The following RCOR3 variants were observed in gnomAD, a reference collection of about 807,000 sequenced individuals.
RCOR3 encodes the protein REST corepressor 3.
A neutral mutation model predicts 64.1 loss-of-function variants in RCOR3; 13 were observed. The ratio of observed to expected loss-of-function variants is 0.20; its 90% confidence interval spans 0.13 to 0.32. The LOEUF (loss-of-function observed/expected upper bound fraction) is 0.32, where lower values mean the gene tolerates loss of function less well. Among genes scored for constraint, RCOR3 ranks in the 10% least tolerant of loss-of-function variants. RCOR3 has a pLI of 1.00. For missense variants in RCOR3, 489 were observed against 701.2 expected (o/e 0.70, Z 3.42); for synonymous variants, 215 against 239.0 (o/e 0.90, Z 0.93).
intron 2 of RCOR3, among the ~76,000 whole-genome samples, chr1:211,263,608 T>G (rs577752444): frequency 1.3e-5 from 2 of 152,338 alleles, no homozygotes; most frequent in Admixed American, 6.5e-5. Context: ...TGGTAAAAGC[T>G]AATCTTATCA....
At chr1:211,305,990 T>C (rs971053990) in intron 10 of RCOR3, among the ~76,000 whole-genome samples, 1 of 152,188 alleles carries the variant, frequency 6.6e-6, no homozygotes, top group African/African-American at 2.4e-5. Flanking sequence ...GTATTGCATG[T>C]TCGCAGGATT....
intron 7 of RCOR3, among the ~76,000 whole-genome samples, chr1:211,283,611 T>C (rs1698117979): frequency 6.6e-6 from 1 of 152,204 alleles, no homozygotes. Context: ...TCTATCTGTT[T>C]ATTAGCTGTT....
chr1:211,278,082 T>C, intron 5 of RCOR3, 35 bp from the exon 6 acceptor site: 1 of 1,546,332 alleles, frequency 6.5e-7, no homozygotes, highest in Non-Finnish European at 8.8e-7. Flanking sequence ...TGTTTATGAA[T>C]TAAACTTGCT....
Position 211,313,218 on chromosome 1 carries a change from A to G in RCOR3, c.1318-206A>G, listed in dbSNP as rs997343525. 3 of 1,430,544 alleles carry G rather than the reference A, an allele frequency of 2.1e-6. No homozygotes were observed. In the African/African-American group the frequency reaches 4.3e-5, roughly 21 times the overall value. The allele number at this position is 1,430,544 out of a possible 1,614,324, so 88.6% of individuals were successfully genotyped here. A position where few individuals can be genotyped will look rare whatever the true frequency, so the allele number is the denominator to read the frequency against. ...AGTGTTAAGCTGTTTACAAATAAAG[A>G]TGCCTGTTTGGTAGCCTCATTGGTT... On this transcript the variant is annotated intron_variant, in intron 11 of 11. Coordinates refer to ENST00000419091, the MANE Select transcript of RCOR3 (RefSeq NM_001136223.3). This position sits in a 1 kb window ranked among gnomAD's most constrained non-coding sequence, Gnocchi z 4.7.
intron 1 of RCOR3, 105 bp from the exon 2 acceptor site, chr1:211,260,003 C>A: frequency 7.1e-7 from 1 of 1,413,962 alleles, no homozygotes; most frequent in Non-Finnish European, 9.2e-7. Context: ...CCACCCGCCG[C>A]TTCTTTCCTC....
chr1:211,269,717 A>G (rs1381268333), intron 2 of RCOR3, among the ~76,000 whole-genome samples: 1 of 152,208 alleles, frequency 6.6e-6, no homozygotes, highest in Non-Finnish European at 1.5e-5. Flanking sequence ...ATCTACAGGC[A>G]CGTAACTTGG....
At chr1:211,286,031 A>T (rs1489807956) in intron 7 of RCOR3, among the ~76,000 whole-genome samples, 1 of 152,182 alleles carries the variant, frequency 6.6e-6, no homozygotes, top group African/African-American at 2.4e-5. Context: ...TTATCATTTT[A>T]CTTTCAACAT....
intron 2 of RCOR3, among the ~76,000 whole-genome samples, chr1:211,263,572 T>G (rs1694724386): frequency 6.6e-6 from 1 of 152,204 alleles, no homozygotes; most frequent in African/African-American, 2.4e-5. Flanking sequence ...TAGCTACCAT[T>G]TAAACTTAGG....
chr1:211,310,608 CA>C (rs1558114929), intron 10 of RCOR3, among the ~76,000 whole-genome samples: 1 of 151,990 alleles, frequency 6.6e-6, no homozygotes, highest in Admixed American at 6.6e-5. Flanking sequence ...TATAATTTTA[CA>C]AATGTAACAA....
chr1:211,285,236 G>A (rs1335484492), intron 7 of RCOR3, among the ~76,000 whole-genome samples: 3 of 152,162 alleles, frequency 2.0e-5, no homozygotes, highest in African/African-American at 7.2e-5. Flanking sequence ...ATATGATAGG[G>A]AACATTTTTC....
intron 2 of RCOR3, among the ~76,000 whole-genome samples, chr1:211,264,499 T>C (rs886116026): frequency 8.7e-5 from 13 of 149,400 alleles, no homozygotes; most frequent in African/African-American, 3.0e-4. Flanking sequence ...CTGGGCAACA[T>C]AGTGGGACCC....
intron 7 of RCOR3, among the ~76,000 whole-genome samples, chr1:211,284,223 GT>G (rs1220386745): frequency 6.6e-6 from 1 of 151,056 alleles, no homozygotes; most frequent in Non-Finnish European, 1.5e-5. Flanking sequence ...CTGGCTAATT[GT>G]TTTTTTGTTT....
chr1:211,304,556 A>G (rs894125519), intron 10 of RCOR3, among the ~76,000 whole-genome samples: 1 of 152,222 alleles, frequency 6.6e-6, no homozygotes, highest in Non-Finnish European at 1.5e-5. Flanking sequence ...GATAAATGTC[A>G]GGATTGAAAA....
chr1:211,269,879 A>G (rs1220042308), intron 2 of RCOR3, among the ~76,000 whole-genome samples: 4 of 150,786 alleles, frequency 2.7e-5, no homozygotes, highest in Admixed American at 2.0e-4. Context: ...TGTGATCCCA[A>G]CTACTTGGGA....
chr1:211,290,684 ATTCT>A (rs1234324349), intron 8 of RCOR3, among the ~76,000 whole-genome samples: 6 of 151,880 alleles, frequency 4.0e-5, no homozygotes, highest in Admixed American at 3.3e-4. Flanking sequence ...CCTCTTGTTG[ATTCT>A]TTCTATTACT....
rs573534073 is a variant in RCOR3 at position 211,281,631 on chromosome 1, C to T, written c.720+2315C>T. 3.9e-5 allele frequency among the ~76,000 whole-genome samples: 6 copies of T among 152,284 alleles called. No individual in the cohort carries two copies. The South Asian group carries it at 1.2e-3, about 32-fold the overall frequency. ...TTCCCCATTTATTTCAGATTACTAA[C>T]AGTGTTTTAGATATGTCGTTTAGTT... On this transcript the variant is annotated intron_variant, in intron 7 of 11. Coordinates refer to ENST00000419091, the MANE Select transcript of RCOR3 (RefSeq NM_001136223.3).
chr1:211,292,205 C>G (rs1309200614), intron 8 of RCOR3, among the ~76,000 whole-genome samples: 1 of 152,174 alleles, frequency 6.6e-6, no homozygotes, highest in Non-Finnish European at 1.5e-5. Context: ...TTTCACTTGA[C>G]TTTGTGACTC....
At chr1:211,276,765 A>G (rs939599848) in intron 5 of RCOR3, among the ~76,000 whole-genome samples, 3 of 152,126 alleles carry the variant, frequency 2.0e-5, no homozygotes, top group South Asian at 2.1e-4. Context: ...CAATTTATAT[A>G]TTTTTGGATA....
At chr1:211,262,978 C>T (rs1245451676) in intron 2 of RCOR3, among the ~76,000 whole-genome samples, 1 of 149,624 alleles carries the variant, frequency 6.7e-6, no homozygotes, top group East Asian at 2.0e-4. Context: ...CCCATTAACT[C>T]GTCATTTAGC....
Sources: allele counts gnomAD v4.1 joint callset (sites outside exome capture counted in the v4.1 genomes callset), GRCh38; gene constraint gnomAD v4.1.1; non-coding constraint Gnocchi (gnomAD v3.1); transcripts MANE v1.5; gene names NCBI Gene and HGNC (gene_info 2026-07-23, HGNC 2026-07-21).